RYR2: variants seen among roughly 807,000 people sequenced by gnomAD.
The protein encoded by RYR2 is cardiac muscle ryanodine receptor-calcium release channel.
RYR2 carries 227 observed loss-of-function variants against 601.1 expected under a neutral mutation model. That is an observed-to-expected ratio of 0.38 (90% CI 0.34 to 0.42). The LOEUF (loss-of-function observed/expected upper bound fraction) is 0.42. Ranked by LOEUF, RYR2 falls within the 10% of genes least tolerant of loss-of-function variation. The pLI is 1.00. For synonymous variants in RYR2, 2,223 were observed against 2,175.1 expected, an observed-to-expected ratio of 1.02 and a Z score of -0.61; for missense variants, 4,646 against 6,156.5, an observed-to-expected ratio of 0.75 and a Z score of 8.21.
intron 1 of RYR2, among the ~76,000 whole-genome samples, chr1:237,126,853 A>G (rs1671490269): frequency 6.6e-6 from 1 of 151,840 alleles, no homozygotes; most frequent in Non-Finnish European, 1.5e-5. Flanking sequence ...GCAGGGTCAT[A>G]GGACAATAGT....
Position 237,473,431 on chromosome 1 carries a change from CTCTTTCTTTCTT to C in RYR2, c.1708+4264_1708+4275del, listed in dbSNP as rs58358151. ...AGAACGAGACTCCATCTCTCTCTCT[CTCTTTCTTTCTT>C]TCTTTCTTTCTTTCTTTCTATCTAT... On this transcript the variant is annotated intron_variant, in intron 17 of 104. Coordinates refer to ENST00000366574, the MANE Select transcript of RYR2 (RefSeq NM_001035.3). Among the ~76,000 whole-genome samples the C allele has an allele frequency of 4.2e-3, 491 of 115,858 alleles. 1 individual carries two copies. The highest frequency in any genetic ancestry group is 0.021 in the Middle Eastern group (5 of 236). 76.0% of individuals were successfully genotyped at this position (115,858 alleles called of 152,430 possible). A position where few individuals can be genotyped will look rare whatever the true frequency, so the allele number is the denominator to read the frequency against.
At chr1:237,657,499 T>C (rs1329556818) in intron 53 of RYR2, among the ~76,000 whole-genome samples, 4 of 151,892 alleles carry the variant, frequency 2.6e-5, no homozygotes, top group Non-Finnish European at 5.9e-5. Flanking sequence ...AAGCAGGAGT[T>C]AATTATTTTC....
chr1:237,812,710 C>T (rs1264945594), intron 100 of RYR2, among the ~76,000 whole-genome samples: 1 of 152,118 alleles, frequency 6.6e-6, no homozygotes, highest in African/African-American at 2.4e-5. Context: ...TACTTACTTA[C>T]ATTTGCTAGT....
At chr1:237,809,960 A>G (rs560075576) in intron 100 of RYR2, among the ~76,000 whole-genome samples, 16 of 152,204 alleles carry the variant, frequency 1.1e-4, no homozygotes, top group Admixed American at 2.6e-4. Context: ...TGGACAAGCT[A>G]TTTGGGGGGA....
intron 28 of RYR2, 145 bp from the exon 29 acceptor site, chr1:237,569,000 A>T (rs1308664330): frequency 3.6e-6 from 2 of 562,900 alleles, no homozygotes; most frequent in East Asian, 5.8e-5. Flanking sequence ...TGCTTAGGAC[A>T]TTGCAGTAGA....
intron 102 of RYR2, among the ~76,000 whole-genome samples, chr1:237,829,388 A>G (rs1663519703): frequency 6.6e-6 from 1 of 152,274 alleles, no homozygotes; most frequent in South Asian, 2.1e-4. Flanking sequence ...GAATCCATCT[A>G]GTTTCTGCAT....
intron 3 of RYR2, among the ~76,000 whole-genome samples, chr1:237,340,737 G>A (rs1697698552): frequency 6.6e-6 from 1 of 152,124 alleles, no homozygotes; most frequent in Non-Finnish European, 1.5e-5. Context: ...ACTAATTAAT[G>A]TAATATTTAG....
chr1:237,423,107 C>G lies in RYR2; in HGVS notation c.864C>G (p.His288Gln). Residue 288 changes from histidine (H) to glutamine (Q), a missense_variant, in exon 12 of 105, where the codon CAC becomes CAG. His to Gln is a conservative substitution (Grantham distance 24). This residue lies in a region of RYR2 where 87 missense variants were observed against 144.7 expected (regional missense o/e 0.60). Transcript: ENST00000366574. ...ETLRVAWSGS[H>Q]IRWGQPFRLR... Reference sequence around the variant, plus strand: ...TTTTCATTAGGTGGAGTGGAAGCCACATAAGATGGGGACAGCCATTCCGAC... The same window carrying G: ...TTTTCATTAGGTGGAGTGGAAGCCAGATAAGATGGGGACAGCCATTCCGAC... 1 of 1,613,260 alleles carries G rather than the reference C, an allele frequency of 6.2e-7. No homozygotes were observed. The highest frequency in any genetic ancestry group is 8.5e-7 in the Non-Finnish European group (1 of 1,179,664).
At chr1:237,219,452 G>A (rs762115494) in intron 1 of RYR2, among the ~76,000 whole-genome samples, 109 of 152,276 alleles carry the variant, frequency 7.2e-4, no homozygotes, top group Non-Finnish European at 1.1e-3. Flanking sequence ...TAGAGGAGAG[G>A]AGCATTTTTC....
Position 237,441,470 on chromosome 1 carries a change from C to A in RYR2, c.1157C>A (p.Ser386Tyr). 1 of 1,573,728 alleles carries A rather than the reference C, an allele frequency of 6.4e-7. No individual in the cohort carries two copies. The highest frequency in any genetic ancestry group is 1.7e-5 in the Admixed American group (1 of 57,648). Residue 386 changes from serine (S) to tyrosine (Y), a missense_variant, in exon 13 of 105, where the codon TCT (serine) becomes TAT (tyrosine). Ser to Tyr is a moderately radical substitution (Grantham distance 144). Coordinates refer to ENST00000366574, the MANE Select transcript of RYR2 (RefSeq NM_001035.3). ...GACGTGAAATCCGTGAGAATGGGAT[C>A]TATACAACGTAAGGTAAGGTGATAG... ...SVDVKSVRMG[S>Y]IQRKAIMHHE... is the part of the protein sequence containing the mutation.
At position 237,819,566 on chromosome 1, in the gene RYR2, CCAAG is replaced by C; in HGVS notation, c.14590+377_14590+380del. Among the ~76,000 whole-genome samples the C allele has an allele frequency of 6.6e-6, 1 of 152,250 alleles. No homozygotes were observed. Among genetic ancestry groups the C allele is most frequent in the Non-Finnish European group, 1.5e-5 (1 of 68,024 alleles). The stretch of plus-strand genomic sequence containing the variant: ...GGGTGCGGTGGCTCATGCCTGTAAT[CCAAG>C]CACTTTGGGAGGCTGAAGGGGGATG... On this transcript the variant is annotated intron_variant, in intron 101 of 104. Coordinates refer to ENST00000366574, the MANE Select transcript of RYR2 (RefSeq NM_001035.3). The surrounding 1 kb of genome is among the most constrained non-coding windows in gnomAD (Gnocchi z 4.0).
chr1:237,617,234 A>G, intron 37 of RYR2, 52 bp from the exon 38 acceptor site: 1 of 1,457,924 alleles, frequency 6.9e-7, no homozygotes, highest in Non-Finnish European at 9.3e-7. Flanking sequence ...TTTCATACAC[A>G]TTATTAAAGG....
At chr1:237,134,187 C>T (rs1672502109) in intron 1 of RYR2, among the ~76,000 whole-genome samples, 1 of 152,168 alleles carries the variant, frequency 6.6e-6, no homozygotes, top group African/African-American at 2.4e-5. Flanking sequence ...AGAATCCACA[C>T]TGGTAAGCCT....
intron 87 of RYR2, among the ~76,000 whole-genome samples, chr1:237,777,493 T>C (rs186654194): frequency 1.1e-4 from 16 of 152,328 alleles, no homozygotes; most frequent in African/African-American, 3.6e-4. Context: ...CCTAAAGGAA[T>C]GAAGGAATTT....
chr1:237,501,528 T>G (rs577997131), intron 21 of RYR2, among the ~76,000 whole-genome samples: 1 of 152,316 alleles, frequency 6.6e-6, no homozygotes, highest in Admixed American at 6.5e-5. Flanking sequence ...TAATAAATGA[T>G]GGTCTGTTAT....
rs34669763 is a variant in RYR2 at position 237,248,267 on chromosome 1, A to ACCCCCCCCC, written c.49-22224_49-22223insCCCCCCCCC. Among the ~76,000 whole-genome samples the ACCCCCCCCC allele has an allele frequency of 3.5e-5, 2 of 57,354 alleles. 1 individual carries two copies. The highest frequency in any genetic ancestry group is 6.4e-5 in the Non-Finnish European group (2 of 31,304). The allele number at this position is 57,354 out of a possible 152,430, so 37.6% of individuals were successfully genotyped here. On this transcript the variant is annotated intron_variant, in intron 1 of 104. Coordinates refer to ENST00000366574, the MANE Select transcript of RYR2 (RefSeq NM_001035.3). ...AGCCTTGACAATAGAGCAAGACTCC[A>ACCCCCCCCC]CCCCCCGCAACCCCGCCCCCCCCCC...
chr1:237,643,580 T>G, intron 48 of RYR2, 133 bp downstream of exon 48: 1 of 898,690 alleles, frequency 1.1e-6, no homozygotes, highest in Non-Finnish European at 1.6e-6. Flanking sequence ...AATTAGTTTT[T>G]TTAAAAAAGC....
chr1:237,771,212 C>G (rs551884082), intron 85 of RYR2, among the ~76,000 whole-genome samples: 8 of 152,096 alleles, frequency 5.3e-5, no homozygotes, highest in Non-Finnish European at 8.8e-5. Context: ...GTCCCAATAT[C>G]AGCCTAGGAA....
chr1:237,735,991 A>C (rs1462878460), intron 79 of RYR2, among the ~76,000 whole-genome samples: 1 of 152,236 alleles, frequency 6.6e-6, no homozygotes, highest in Non-Finnish European at 1.5e-5. Context: ...TAACATAAAA[A>C]TATATGCCAT....
Sources: gnomAD v4.1 joint callset for allele counts (sites outside exome capture counted in the v4.1 genomes callset) on GRCh38, gnomAD v4.1.1 for gene constraint, gnomAD v4.1.1 regional missense constraint, Gnocchi (gnomAD v3.1) non-coding constraint, MANE v1.5 for transcripts, NCBI Gene and HGNC (gene_info 2026-07-23, HGNC 2026-07-21) for gene names.